Variants in SYT14 observed in about 807,000 individuals in gnomAD.
SYT14 encodes the protein synaptotagmin-14.
Under a neutral mutation model 74.2 loss-of-function variants are expected in SYT14, and 32 were observed. The ratio of observed to expected loss-of-function variants is 0.43; its 90% CI spans 0.33 to 0.58. The LOEUF is 0.58. Ranked by LOEUF, SYT14 falls within the 20% of genes least tolerant of loss-of-function variation. The pLI is 0.05. For synonymous variants in SYT14, 298 were observed against 337.7 expected, an observed-to-expected ratio of 0.88 and a Z score of 1.29; for missense variants, 791 against 981.8, an observed-to-expected ratio of 0.81 and a Z score of 2.60.
chr1:210,107,146 C>A (rs1353418246), intron 7 of SYT14, among the ~76,000 whole-genome samples: 1 of 152,200 alleles, frequency 6.6e-6, no homozygotes, highest in Admixed American at 6.5e-5. Context: ...CATGCTGATG[C>A]AAGAGATGGG....
intron 5 of SYT14, among the ~76,000 whole-genome samples, chr1:210,079,627 G>A (rs546160087): frequency 6.6e-6 from 1 of 152,122 alleles, no homozygotes; most frequent in Non-Finnish European, 1.5e-5. Context: ...TGAAGGAGTA[G>A]CTGCTAAAGG....
chr1:210,058,422 T>C (rs1340905909), intron 5 of SYT14, among the ~76,000 whole-genome samples: 1 of 152,176 alleles, frequency 6.6e-6, no homozygotes, highest in African/African-American at 2.4e-5. Context: ...CACGGAGATA[T>C]TTTTGAGGCT....
chr1:210,089,820 C>A (rs1203047339), intron 5 of SYT14, among the ~76,000 whole-genome samples: 1 of 152,166 alleles, frequency 6.6e-6, no homozygotes, highest in Non-Finnish European at 1.5e-5. Flanking sequence ...ACGAAAAAAT[C>A]AAGCAATGAA....
chr1:210,124,344 A>G (rs943872418), intron 7 of SYT14, among the ~76,000 whole-genome samples: 10 of 152,186 alleles, frequency 6.6e-5, no homozygotes, highest in East Asian at 1.9e-4. Context: ...AGATTAGACA[A>G]TCCAGGAGGA....
chr1:210,134,540 A>T (rs1303228514), intron 7 of SYT14, among the ~76,000 whole-genome samples: 1 of 152,178 alleles, frequency 6.6e-6, no homozygotes, highest in Non-Finnish European at 1.5e-5. Context: ...TTAGTTGAAC[A>T]CATACTTAAA....
rs560976249 is a variant in SYT14 at position 210,033,327 on chromosome 1, G to A, written c.1312+12073G>A. ...ATAATTACAGAGCCATTTTAAAGAG[G>A]TAAATATCAACTGAATATCATTAGT... On this transcript the variant is annotated intron_variant, in intron 5 of 9. Coordinates refer to ENST00000637265, the Ensembl canonical transcript of SYT14. 2.6e-5 allele frequency among the ~76,000 whole-genome samples: 4 copies of A among 151,900 alleles called. No individual in the cohort carries two copies. In the South Asian group the frequency reaches 8.3e-4, roughly 32 times the overall value.
At chr1:210,004,797 G>T (rs764923382) in intron 2 of SYT14, among the ~76,000 whole-genome samples, 9 of 151,948 alleles carry the variant, frequency 5.9e-5, no homozygotes, top group Admixed American at 5.3e-4. Context: ...TTTTCTCAAA[G>T]CTTTTAGAGT....
intron 7 of SYT14, among the ~76,000 whole-genome samples, chr1:210,142,862 T>A (rs755832218): frequency 6.6e-6 from 1 of 152,202 alleles, no homozygotes; most frequent in Non-Finnish European, 1.5e-5. Flanking sequence ...AATTGCATTA[T>A]GGAAATATAG....
intron 5 of SYT14, among the ~76,000 whole-genome samples, chr1:210,083,137 T>C (rs1300833914): frequency 7.9e-5 from 12 of 152,056 alleles, no homozygotes; most frequent in Non-Finnish European, 1.3e-4. Context: ...TGTGCCACCA[T>C]GCCCAGCTAA....
intron 9 of SYT14, 96 bp downstream of exon 8, chr1:210,159,573 T>A (rs2083333617): frequency 9.4e-7 from 1 of 1,068,348 alleles, no homozygotes; most frequent in Admixed American, 2.0e-5. Context: ...CCATGTTGGT[T>A]TCCAAAACAA....
chr1:210,158,125 C>A (rs566552543), intron 8 of SYT14, among the ~76,000 whole-genome samples: 2 of 152,262 alleles, frequency 1.3e-5, no homozygotes, highest in South Asian at 4.2e-4. Context: ...ATTATTGTTC[C>A]CTTTCTCATT....
intron 5 of SYT14, among the ~76,000 whole-genome samples, chr1:210,032,377 C>G (rs921940168): frequency 6.6e-6 from 1 of 151,946 alleles, no homozygotes; most frequent in African/African-American, 2.4e-5. Flanking sequence ...TTAGATTGCC[C>G]TAAGCACTTC....
chr1:210,021,075 C>T lies in SYT14; in HGVS notation c.1133C>T (p.Ser378Phe), dbSNP rs368810655. 2.5e-6 allele frequency: 4 copies of T among 1,613,766 alleles called. No homozygotes were observed. The African/African-American group carries it at 4.0e-5, about 16-fold the overall frequency. Reference sequence around the variant, plus strand: ...ATGGACAAAGATGAGCATGGTTCATCCTCTGAAAGTGAAGATGAAGCGCTG... The same window carrying T: ...ATGGACAAAGATGAGCATGGTTCATTCTCTGAAAGTGAAGATGAAGCGCTG... The change falls in exon 5 of 10, where the codon TCC becomes TTC. Residue 378 changes from serine to phenylalanine, a missense_variant. Physicochemically the swap from Ser to Phe is radical, Grantham distance 155 (BLOSUM62 -2). Transcript: ENST00000637265.
At chr1:210,133,280 C>G (rs2082714289) in intron 7 of SYT14, among the ~76,000 whole-genome samples, 2 of 152,110 alleles carry the variant, frequency 1.3e-5, no homozygotes, top group African/African-American at 4.8e-5. Flanking sequence ...TTGCTGTATT[C>G]CACTGGGATA....
At chr1:210,001,021 G>T (rs919665992) in intron 2 of SYT14, among the ~76,000 whole-genome samples, 1 of 152,050 alleles carries the variant, frequency 6.6e-6, no homozygotes, top group African/African-American at 2.4e-5. Context: ...AATAATAAAG[G>T]ACTCTTGTTT....
intron 2 of SYT14, among the ~76,000 whole-genome samples, chr1:209,973,136 G>A (rs917378795): frequency 6.7e-6 from 1 of 148,190 alleles, no homozygotes. Context: ...TTTAAAGTAT[G>A]TTTCATCTGA....
At chr1:209,963,094 G>A (rs926643505) in intron 2 of SYT14, among the ~76,000 whole-genome samples, 4 of 152,130 alleles carry the variant, frequency 2.6e-5, no homozygotes, top group Non-Finnish European at 5.9e-5. Context: ...TATTGCTACC[G>A]GAACAGAAAG....
intron 7 of SYT14, among the ~76,000 whole-genome samples, chr1:210,120,281 AGTCAACAACAGATCACATAATT>A (rs1258705407): frequency 6.6e-6 from 1 of 152,122 alleles, no homozygotes; most frequent in African/African-American, 2.4e-5. Context: ...ATAATGTTTC[AGTCAACAACAGATCACATAATT>A]GATGGTGATC....
chr1:209,955,463 C>A (rs1392337128), intron 2 of SYT14, among the ~76,000 whole-genome samples: 1 of 152,148 alleles, frequency 6.6e-6, no homozygotes. Flanking sequence ...TCAGTTCTAC[C>A]TGCAAAGTAT....
Sources: allele counts gnomAD v4.1 joint callset (sites outside exome capture counted in the v4.1 genomes callset), GRCh38; gene constraint gnomAD v4.1.1; transcripts MANE v1.5; gene names NCBI Gene and HGNC (gene_info 2026-07-23, HGNC 2026-07-21).